The following ANK2 variants were observed in gnomAD, a reference collection of about 807,000 sequenced individuals.
ANK2 encodes the protein ankyrin-2.
Under a neutral mutation model 360.5 loss-of-function variants are expected in ANK2, and 83 were observed. The ratio of observed to expected loss-of-function variants is 0.23; its 90% confidence interval spans 0.19 to 0.28. The LOEUF is 0.28. Among genes scored for constraint, ANK2 ranks in the 10% least tolerant of loss-of-function variants. The probability of loss-of-function intolerance (pLI) is 1.00; values close to 1 mark genes in which losing one functional copy is unlikely to be tolerated. For synonymous variants in ANK2, 1,740 were observed against 1,759.5 expected, an observed-to-expected ratio of 0.99 and a Z score of 0.28; for missense variants, 4,201 against 4,795.7, an observed-to-expected ratio of 0.88 and a Z score of 3.66.
At chr4:113,322,153 G>A (rs757781103) in intron 26 of ANK2, among the ~76,000 whole-genome samples, 4 of 152,068 alleles carry the variant, frequency 2.6e-5, no homozygotes, top group Non-Finnish European at 5.9e-5. Flanking sequence ...AGAAGACACC[G>A]TTTCTACCAA....
At chr4:113,090,839 G>C (rs2087606215) in intron 1 of ANK2, among the ~76,000 whole-genome samples, 1 of 152,280 alleles carries the variant, frequency 6.6e-6, no homozygotes, top group South Asian at 2.1e-4. Context: ...CATGCAACCT[G>C]GTTACCATTA....
intron 2 of ANK2, among the ~76,000 whole-genome samples, chr4:112,946,789 T>A (rs574255464): frequency 6.6e-6 from 1 of 152,304 alleles, no homozygotes; most frequent in Admixed American, 6.5e-5. Flanking sequence ...ATTTTAGAGG[T>A]AAGCTGACTG....
intron 2 of ANK2, among the ~76,000 whole-genome samples, chr4:113,003,342 A>G (rs904925333): frequency 1.5e-4 from 23 of 152,120 alleles, no homozygotes; most frequent in African/African-American, 4.6e-4. Flanking sequence ...AAGTTAATCT[A>G]TATATTTGAC....
At chr4:112,997,665 ATCAT>A (rs1233717348) in intron 2 of ANK2, among the ~76,000 whole-genome samples, 2 of 151,870 alleles carry the variant, frequency 1.3e-5, no homozygotes, top group Non-Finnish European at 2.9e-5. Context: ...TGGTCATATT[ATCAT>A]TCATTTAATT....
chr4:113,180,523 T>A (rs985147262), intron 2 of ANK2, among the ~76,000 whole-genome samples: 10 of 152,230 alleles, frequency 6.6e-5, no homozygotes, highest in African/African-American at 2.4e-4. Flanking sequence ...TGCCATAGCC[T>A]GTATCACCAA....
rs1047496087 is a variant in ANK2, at chr4:113,174,465, A to G, written c.134A>G (p.Asp45Gly). The G allele has an allele frequency of 6.2e-7, 1 of 1,613,398 alleles. No homozygotes were observed. Among genetic ancestry groups the G allele is most frequent in the Non-Finnish European group, 8.5e-7 (1 of 1,179,534 alleles). ...FLRAARAGNLDKVVEYLKGGI... is the reference protein window; with the variant it reads ...FLRAARAGNLGKVVEYLKGGI... ...CGTGCTGCCAGAGCAGGCAACCTGG[A>G]CAAAGTTGTGGAATATCTGAAGGGG... The change falls in exon 2 of 46, where the codon GAC becomes GGC. Residue 45 changes from aspartate to glycine, a missense_variant. Transcript: ENST00000357077.
Position 113,363,387 on chromosome 4 carries a change from A to G in ANK2, c.10806A>G (p.Arg3602=). Residue 3602 remains arginine, a synonymous_variant, in exon 40 of 46, where the codon CGA becomes CGG. Coordinates refer to ENST00000357077, the MANE Select transcript of ANK2 (RefSeq NM_001148.6). The part of the protein sequence containing the change: ...DFTEEQIHQI[R]IENPNSLQDQ... ...CTGAGGAGCAAATTCATCAAATTCG[A>G]ATTGAAAATCCCAACTCTCTTCAAG... 6.2e-7 allele frequency: 1 copy of G among 1,613,542 alleles called. No homozygotes were observed. The highest frequency in any genetic ancestry group is 8.5e-7 in the Non-Finnish European group (1 of 1,179,676).
chr4:112,731,816 A>G, the ANK2 span, among the ~76,000 whole-genome samples: 25 of 152,156 alleles, frequency 1.6e-4, no homozygotes, highest in Non-Finnish European at 3.4e-4. Context: ...GCAAGGTCTC[A>G]CTATGTTTCC....
At chr4:113,183,891 A>G (rs1040578008) in intron 2 of ANK2, among the ~76,000 whole-genome samples, 2 of 150,944 alleles carry the variant, frequency 1.3e-5, no homozygotes, top group African/African-American at 4.9e-5. Context: ...AAGGAATGGC[A>G]TCAAGAGGAT....
chr4:113,322,674 G>C (rs1232292014), intron 26 of ANK2, among the ~76,000 whole-genome samples: 2 of 152,118 alleles, frequency 1.3e-5, no homozygotes, highest in East Asian at 1.9e-4. Flanking sequence ...GGTCTGTAAG[G>C]TTGTCTTTTA....
chr4:113,091,986 CAT>C (rs1440494942), intron 1 of ANK2, among the ~76,000 whole-genome samples: 1 of 152,132 alleles, frequency 6.6e-6, no homozygotes, highest in Non-Finnish European at 1.5e-5. Flanking sequence ...GATTTATAGT[CAT>C]ATGTATTGTA....
At chr4:112,769,630 C>T in the ANK2 span, among the ~76,000 whole-genome samples, 1 of 152,144 alleles carries the variant, frequency 6.6e-6, no homozygotes, top group Non-Finnish European at 1.5e-5. Context: ...TAATTCTATG[C>T]TTCAACTGGA....
At chr4:112,705,821 T>C in the ANK2 span, among the ~76,000 whole-genome samples, 1 of 152,198 alleles carries the variant, frequency 6.6e-6, no homozygotes, top group African/African-American at 2.4e-5. Context: ...CAGCTCGCAC[T>C]TTCAGAGCAC....
Position 113,358,314 on chromosome 4 carries a change from T to C in ANK2, c.9696T>C (p.Asp3232=). 6.2e-7 allele frequency: 1 copy of C among 1,613,454 alleles called. No homozygotes were observed. Among genetic ancestry groups the C allele is most frequent in the South Asian group, 1.1e-5 (1 of 91,026 alleles). Residue 3232 remains aspartate, a synonymous_variant, in exon 38 of 46, where the codon GAT becomes GAC. Transcript: ENST00000357077. ...ACCTCCCCACCGTGCAAACGGGTGA[T>C]ATACCTCCTCTCTCTGGTGTAAAGC... ...TKDLPTVQTG[D]IPPLSGVKQI...
At chr4:113,027,036 T>A (rs1164835594) in intron 2 of ANK2, among the ~76,000 whole-genome samples, 1 of 152,114 alleles carries the variant, frequency 6.6e-6, no homozygotes, top group African/African-American at 2.4e-5. Flanking sequence ...GGAATCCATC[T>A]GTTTCAGTGA....
intron 1 of ANK2, among the ~76,000 whole-genome samples, chr4:113,143,241 T>C (rs2096706105): frequency 6.6e-6 from 1 of 152,276 alleles, no homozygotes; most frequent in South Asian, 2.1e-4. Context: ...AAGGGACTAA[T>C]ATCACAGGTG....
At chr4:113,135,279 T>G (rs976441483) in intron 1 of ANK2, among the ~76,000 whole-genome samples, 4 of 151,864 alleles carry the variant, frequency 2.6e-5, no homozygotes, top group African/African-American at 9.7e-5. Context: ...AGCAAGTGAG[T>G]GTCATAGATT....
At chr4:113,156,371 C>CTTTTTTTTT (rs150536846) in intron 1 of ANK2, among the ~76,000 whole-genome samples, 1,310 of 128,084 alleles carry the variant, frequency 0.01, 69 homozygotes, top group Admixed American at 0.062. Context: ...TAGAAAAATT[C>CTTTTTTTTT]TTTTTTTTTT....
Position 113,354,832 on chromosome 4 carries a change from T to C in ANK2, c.6214T>C (p.Ser2072Pro). The C allele has an allele frequency of 1.9e-6, 3 of 1,614,092 alleles. No individual in the cohort carries two copies. The highest frequency in any genetic ancestry group is 2.5e-6 in the Non-Finnish European group (3 of 1,179,998). ...AESKRGVRVS[S>P]IGVKKEDAAG... ...ATCCAAAAGAGGAGTTCGTGTTTCC[T>C]CCATAGGAGTTAAGAAAGAAGATGC... The change falls in exon 38 of 46, where the codon TCC becomes CCC. Residue 2072 changes from serine (S) to proline (P), a missense_variant. Ser to Pro is a moderately conservative substitution (Grantham distance 74). Transcript: ENST00000357077.
Sources: allele counts gnomAD v4.1 joint callset (sites outside exome capture counted in the v4.1 genomes callset), GRCh38; gene constraint gnomAD v4.1.1; transcripts MANE v1.5; gene names NCBI Gene and HGNC (gene_info 2026-07-23, HGNC 2026-07-21).